UNC13C: variants seen among roughly 807,000 people sequenced by gnomAD.
The protein encoded by UNC13C is protein unc-13 homolog C.
Under a neutral mutation model 245.4 loss-of-function variants are expected in UNC13C, and 174 were observed. That is an observed-to-expected ratio of 0.71 (90% CI 0.63 to 0.80). The LOEUF (loss-of-function observed/expected upper bound fraction) is 0.80, where lower values mean the gene tolerates loss of function less well. Among genes scored for constraint, UNC13C ranks in the 30% least tolerant of loss-of-function variants. The pLI, the probability that UNC13C is intolerant of heterozygous loss-of-function variation, is 0.00. For missense variants in UNC13C, 2,829 were observed against 2,602.9 expected (o/e 1.09, Z -1.89); for synonymous variants, 992 against 895.1 (o/e 1.11, Z -1.93).
the UNC13C span, among the ~76,000 whole-genome samples, chr15:53,929,141 G>C: frequency 4.9e-4 from 75 of 152,286 alleles, no homozygotes; most frequent in African/African-American, 1.8e-3. Context: ...GAAAGCGAAG[G>C]CACATCTTAC....
chr15:54,353,606 G>T (rs902574966), intron 17 of UNC13C, among the ~76,000 whole-genome samples: 1 of 152,100 alleles, frequency 6.6e-6, no homozygotes, highest in African/African-American at 2.4e-5. Flanking sequence ...TCTGTACTGT[G>T]CCTAAACCAA....
downstream of UNC13C, chr15:54,630,019 TTAG>T (rs1901420463): frequency 6.6e-6 from 1 of 152,190 alleles, no homozygotes; most frequent in South Asian, 2.1e-4. Context: ...CTTACCCAAA[TTAG>T]TAGTCACTCT....
intron 2 of UNC13C, among the ~76,000 whole-genome samples, chr15:54,059,329 C>T (rs940798207): frequency 2.6e-5 from 4 of 152,090 alleles, no homozygotes; most frequent in African/African-American, 7.2e-5. Context: ...AACAGACAAA[C>T]AGAGAGCCAA....
the UNC13C span, among the ~76,000 whole-genome samples, chr15:53,909,570 A>G: frequency 1.4e-5 from 2 of 146,318 alleles, 1 homozygote; most frequent in East Asian, 4.0e-4. Context: ...TGGCCAACAT[A>G]GTGAAACCCC....
chr15:54,236,540 C>A, intron 6 of UNC13C, 105 bp downstream of exon 6: 1 of 862,092 alleles, frequency 1.2e-6, no homozygotes, highest in Non-Finnish European at 1.8e-6. Context: ...AATGAAAAGA[C>A]AGACATACAA....
At chr15:54,086,303 C>T (rs1899235210) in intron 2 of UNC13C, among the ~76,000 whole-genome samples, 1 of 152,164 alleles carries the variant, frequency 6.6e-6, no homozygotes, top group Non-Finnish European at 1.5e-5. Flanking sequence ...TTTTAAGAGA[C>T]TCGGAGTGGA....
At chr15:54,262,725 T>G (rs912069967) in intron 8 of UNC13C, among the ~76,000 whole-genome samples, 1 of 152,148 alleles carries the variant, frequency 6.6e-6, no homozygotes, top group African/African-American at 2.4e-5. Flanking sequence ...AAGTTTAAAA[T>G]AAAAGATAAA....
chr15:54,498,177 A>G (rs535958416), intron 20 of UNC13C, among the ~76,000 whole-genome samples: 1 of 152,226 alleles, frequency 6.6e-6, no homozygotes, highest in East Asian at 1.9e-4. Context: ...TTTTTCATTG[A>G]CAATGCTTAC....
At chr15:54,255,394 G>A (rs1055869169) in intron 8 of UNC13C, among the ~76,000 whole-genome samples, 1 of 152,024 alleles carries the variant, frequency 6.6e-6, no homozygotes, top group African/African-American at 2.4e-5. Context: ...GGCCCAGGCT[G>A]TCCTCTGACT....
At position 54,314,420 on chromosome 15, in the gene UNC13C, T is replaced by A. The variant is rs1291827915; in HGVS notation, c.4269-7519T>A. On this transcript the variant is annotated intron_variant, in intron 13 of 32. Transcript: ENST00000260323. ...ATATTGTACATGATAAACATGTAAT[T>A]TTTATTTGTCAATTAAAAATAAAGA... Among the ~76,000 whole-genome samples, 7 of 140,230 alleles carry A rather than the reference T, an allele frequency of 5.0e-5. No homozygotes were observed. In the South Asian group the frequency reaches 1.7e-3, roughly 34 times the overall value. The allele number at this position is 140,230 out of a possible 152,430, so 92.0% of individuals were successfully genotyped here.
At chr15:54,466,322 A>G (rs1892164360) in intron 19 of UNC13C, among the ~76,000 whole-genome samples, 1 of 151,990 alleles carries the variant, frequency 6.6e-6, no homozygotes, top group Non-Finnish European at 1.5e-5. Flanking sequence ...TAACTGCAAG[A>G]GATTTAGAAT....
At chr15:54,591,897 G>A (rs892067980) in intron 30 of UNC13C, among the ~76,000 whole-genome samples, 1 of 151,976 alleles carries the variant, frequency 6.6e-6, no homozygotes, top group Non-Finnish European at 1.5e-5. Context: ...TTGTCTGTGT[G>A]TGCTCTTTCA....
chr15:54,427,120 A>G (rs567838775), intron 19 of UNC13C, among the ~76,000 whole-genome samples: 12 of 151,886 alleles, frequency 7.9e-5, no homozygotes, highest in African/African-American at 2.9e-4. Context: ...TGACCAAATA[A>G]TTTCTTCCTT....
At chr15:53,851,407 T>C in the UNC13C span, among the ~76,000 whole-genome samples, 2 of 152,204 alleles carry the variant, frequency 1.3e-5, no homozygotes, top group Non-Finnish European at 2.9e-5. Flanking sequence ...CCAGTTTTAA[T>C]GCCTAGCCCC....
At chr15:54,018,710 G>T (rs879536513) in intron 2 of UNC13C, among the ~76,000 whole-genome samples, 6 of 152,094 alleles carry the variant, frequency 3.9e-5, no homozygotes, top group Non-Finnish European at 7.3e-5. Context: ...ACTATTTATT[G>T]TCTCCTCAAA....
At chr15:54,581,589 C>T (rs1183308009) in intron 30 of UNC13C, among the ~76,000 whole-genome samples, 1 of 152,214 alleles carries the variant, frequency 6.6e-6, no homozygotes. Flanking sequence ...GCCAGGGCCC[C>T]ACCCTATTAC....
the UNC13C span, among the ~76,000 whole-genome samples, chr15:53,872,742 C>T: frequency 3.9e-5 from 6 of 152,162 alleles, no homozygotes; most frequent in African/African-American, 1.2e-4. Context: ...GGATGAATTT[C>T]AAGTCCTAAT....
intron 19 of UNC13C, among the ~76,000 whole-genome samples, chr15:54,461,082 T>C (rs994571425): frequency 6.6e-6 from 1 of 152,102 alleles, no homozygotes; most frequent in African/African-American, 2.4e-5. Context: ...TCTTATTTTT[T>C]TGACTTATTT....
At chr15:54,260,136 T>A (rs1182982027) in intron 8 of UNC13C, among the ~76,000 whole-genome samples, 1 of 152,154 alleles carries the variant, frequency 6.6e-6, no homozygotes, top group Non-Finnish European at 1.5e-5. Flanking sequence ...TTAATAAAAT[T>A]TGGGCCTTAA....
Sources: allele counts gnomAD v4.1 joint callset (sites outside exome capture counted in the v4.1 genomes callset), GRCh38; gene constraint gnomAD v4.1.1; transcripts MANE v1.5; gene names NCBI Gene and HGNC (gene_info 2026-07-23, HGNC 2026-07-21).